Variants in ITGBL1 observed in about 807,000 individuals in gnomAD.
ITGBL1 encodes integrin beta-like protein 1.
A neutral mutation model predicts 68.5 loss-of-function variants in ITGBL1; 51 were observed. That is an observed-to-expected ratio of 0.74 (90% CI 0.59 to 0.94). The LOEUF is 0.94. Ranked by LOEUF, ITGBL1 falls within the 40% of genes least tolerant of loss-of-function variation. The pLI, the probability that ITGBL1 is intolerant of heterozygous loss-of-function variation, is 0.00. For synonymous variants in ITGBL1, 209 were observed against 227.3 expected (o/e 0.92, Z 0.72); for missense variants, 649 against 647.4 (o/e 1.00, Z -0.03).
chr13:101,687,974 G>A (rs1339933228), intron 7 of ITGBL1, among the ~76,000 whole-genome samples: 2 of 152,028 alleles, frequency 1.3e-5, no homozygotes, highest in Middle Eastern at 3.4e-3. Flanking sequence ...TCTTTCTCAT[G>A]TATGAGAATA....
chr13:101,454,278 T>G (rs1756554411), intron 2 of ITGBL1, among the ~76,000 whole-genome samples, 178 bp downstream of exon 2: 1 of 152,184 alleles, frequency 6.6e-6, no homozygotes, highest in African/African-American at 2.4e-5. Flanking sequence ...CACAACACTT[T>G]TATCCCCCAG....
chr13:101,690,632 A>G (rs887313859), intron 7 of ITGBL1, among the ~76,000 whole-genome samples: 1 of 152,174 alleles, frequency 6.6e-6, no homozygotes, highest in African/African-American at 2.4e-5. Context: ...GAAAAAGATT[A>G]GAGCATTTAT....
At chr13:101,669,039 A>C (rs1566783519) in intron 7 of ITGBL1, among the ~76,000 whole-genome samples, 1 of 152,126 alleles carries the variant, frequency 6.6e-6, no homozygotes. Context: ...TAAAGCTACA[A>C]AGAGTTAAAC....
Position 101,486,094 on chromosome 13 carries a change from G to A in ITGBL1, c.316+31994G>A, listed in dbSNP as rs187397356. ...GCAAAGATGTGGAACCAACCTAAGT[G>A]TCCATCAACCAACGAGTGGATAAAA... On this transcript the variant is annotated intron_variant, in intron 2 of 10. Coordinates refer to ENST00000376180, the MANE Select transcript of ITGBL1 (RefSeq NM_004791.3). 2.5e-4 allele frequency among the ~76,000 whole-genome samples: 38 copies of A among 149,690 alleles called. No individual in the cohort carries two copies. The East Asian group carries it at 7.7e-3, about 30-fold the overall frequency.
intron 7 of ITGBL1, among the ~76,000 whole-genome samples, chr13:101,639,710 G>A (rs2032299654): frequency 6.6e-6 from 1 of 152,066 alleles, no homozygotes; most frequent in Non-Finnish European, 1.5e-5. Flanking sequence ...TACAAACCAT[G>A]TTTCATTGGG....
intron 7 of ITGBL1, among the ~76,000 whole-genome samples, chr13:101,688,921 G>A (rs895021859): frequency 5.3e-5 from 8 of 151,908 alleles, no homozygotes; most frequent in Non-Finnish European, 7.4e-5. Flanking sequence ...TATGATTGCC[G>A]GGCATAGTGG....
downstream of ITGBL1, chr13:101,719,509 T>C (rs1039975264): frequency 6.6e-6 from 1 of 152,110 alleles, no homozygotes. Context: ...GGGTGGAGAA[T>C]TGTCATGTCT....
chr13:101,545,332 G>A (rs1328827028), intron 2 of ITGBL1, among the ~76,000 whole-genome samples: 1 of 152,150 alleles, frequency 6.6e-6, no homozygotes, highest in East Asian at 1.9e-4. Flanking sequence ...GATGCACACA[G>A]GCCCATTGGG....
chr13:101,627,644 A>G (rs1468327477), intron 7 of ITGBL1, among the ~76,000 whole-genome samples: 1 of 152,112 alleles, frequency 6.6e-6, no homozygotes, highest in Non-Finnish European at 1.5e-5. Context: ...AACCCCTGGC[A>G]AGCACGGATC....
chr13:101,568,021 G>A (rs1455705331), intron 3 of ITGBL1, among the ~76,000 whole-genome samples, 176 bp downstream of exon 3: 1 of 151,256 alleles, frequency 6.6e-6, no homozygotes, highest in Non-Finnish European at 1.5e-5. Flanking sequence ...GCTGAGACTG[G>A]CAAGTTTGAT....
chr13:101,623,111 A>G (rs2031650372), intron 7 of ITGBL1, among the ~76,000 whole-genome samples: 1 of 152,124 alleles, frequency 6.6e-6, no homozygotes, highest in African/African-American at 2.4e-5. Flanking sequence ...TGTTAATGTT[A>G]ACTAGGATAA....
chr13:101,520,529 T>A (rs1490102745), intron 2 of ITGBL1, among the ~76,000 whole-genome samples: 1 of 152,118 alleles, frequency 6.6e-6, no homozygotes, highest in Non-Finnish European at 1.5e-5. Context: ...GGCCAAGTCA[T>A]GTATCAGCTT....
rs1331248050 is a variant in ITGBL1, at chr13:101,584,767, AGT to A, written c.868+1413_868+1414del. Among the ~76,000 whole-genome samples the A allele has an allele frequency of 2.0e-5, 3 of 151,960 alleles. No homozygotes were observed. The East Asian group carries it at 5.8e-4, about 29-fold the overall frequency. On this transcript the variant is annotated intron_variant, in intron 6 of 10. Transcript: ENST00000376180. Reference sequence around the variant, plus strand: ...AGTGGTAATAAAAGAGCTCATGACTAGTGAGTGGCTTCTGTGTTCCAAAGAGA... The same window carrying A: ...AGTGGTAATAAAAGAGCTCATGACTAGAGTGGCTTCTGTGTTCCAAAGAGA...
chr13:101,628,533 A>G (rs945172268), intron 7 of ITGBL1, among the ~76,000 whole-genome samples: 2 of 151,340 alleles, frequency 1.3e-5, no homozygotes, highest in African/African-American at 4.9e-5. Flanking sequence ...CCTGGGTTCA[A>G]GCAATTCTCC....
intron 7 of ITGBL1, 44 bp downstream of exon 7, chr13:101,598,343 A>C (rs774763899): frequency 2.2e-6 from 3 of 1,389,334 alleles, no homozygotes; most frequent in Middle Eastern, 1.9e-4. Context: ...CTCCATCACA[A>C]TTCAAATGAA....
intron 7 of ITGBL1, among the ~76,000 whole-genome samples, chr13:101,675,570 A>T (rs2033481932): frequency 6.6e-6 from 1 of 152,158 alleles, no homozygotes; most frequent in Admixed American, 6.5e-5. Context: ...TAGTAAGGTC[A>T]CCAAGATTAG....
At chr13:101,578,296 G>T (rs1425289940) in intron 4 of ITGBL1, among the ~76,000 whole-genome samples, 1 of 152,050 alleles carries the variant, frequency 6.6e-6, no homozygotes, top group Non-Finnish European at 1.5e-5. Context: ...TTGTCTTTTG[G>T]GGAGTTTGGC....
intron 2 of ITGBL1, among the ~76,000 whole-genome samples, chr13:101,500,813 G>C (rs2048929704): frequency 6.6e-6 from 1 of 152,122 alleles, no homozygotes; most frequent in African/African-American, 2.4e-5. Flanking sequence ...CCTTTGTGAG[G>C]CTTGAGTCTA....
chr13:101,502,750 C>G lies in ITGBL1; in HGVS notation c.316+48650C>G, dbSNP rs150888521. Reference sequence around the variant, plus strand: ...GATTATACATTATCCAAACATAATGCAAAGGAAATGTTACCAGTAAGAATG... The same window carrying G: ...GATTATACATTATCCAAACATAATGGAAAGGAAATGTTACCAGTAAGAATG... On this transcript the variant is annotated intron_variant, in intron 2 of 10. Coordinates refer to ENST00000376180, the MANE Select transcript of ITGBL1 (RefSeq NM_004791.3). Among the ~76,000 whole-genome samples, 430 of 152,254 alleles carry G rather than the reference C, an allele frequency of 2.8e-3. 5 individuals carry two copies. The highest frequency in any genetic ancestry group is 9.6e-3 in the African/African-American group (400 of 41,546).
Sources: allele counts gnomAD v4.1 joint callset (sites outside exome capture counted in the v4.1 genomes callset), GRCh38; gene constraint gnomAD v4.1.1; transcripts MANE v1.5; gene names NCBI Gene and HGNC (gene_info 2026-07-23, HGNC 2026-07-21).